The following NARS2 variants were observed in gnomAD, a reference collection of about 807,000 sequenced individuals.
NARS2 encodes the protein asparaginyl-tRNA synthetase.
NARS2 carries 60 observed loss-of-function variants against 62.9 expected under a neutral mutation model. That is an observed-to-expected ratio of 0.95 (90% CI 0.77 to 1.18). The LOEUF is 1.18. Ranked by LOEUF, NARS2 falls within the 50% of genes most tolerant of loss-of-function variation. The probability of loss-of-function intolerance (pLI) is 0.00; values close to 1 mark genes in which losing one functional copy is unlikely to be tolerated. For missense variants in NARS2, 619 were observed against 576.4 expected, an observed-to-expected ratio of 1.07 and a Z score of -0.76; for synonymous variants, 196 against 200.0, an observed-to-expected ratio of 0.98 and a Z score of 0.17.
chr11:78,541,727 A>C (rs553160634), intron 5 of NARS2, among the ~76,000 whole-genome samples: 1 of 152,102 alleles, frequency 6.6e-6, no homozygotes, highest in Non-Finnish European at 1.5e-5. Flanking sequence ...TCAACCAACC[A>C]AGCAATCAAT....
chr11:78,550,226 G>C (rs572668288), intron 5 of NARS2, among the ~76,000 whole-genome samples: 1 of 152,268 alleles, frequency 6.6e-6, no homozygotes, highest in Admixed American at 6.5e-5. Context: ...AAGTTCCCTC[G>C]ACCTTTAATC....
intron 4 of NARS2, among the ~76,000 whole-genome samples, chr11:78,562,031 TCAAAAAACAAAAAACAAAAAA>T (rs60769770): frequency 6.6e-6 from 1 of 150,974 alleles, no homozygotes. Flanking sequence ...CGAGACTCTG[TCAAAAAACAAAAAACAAAAAA>T]CAAAAAACAA....
intron 13 of NARS2, among the ~76,000 whole-genome samples, chr11:78,440,723 G>A (rs1401448780): frequency 6.6e-6 from 1 of 151,670 alleles, no homozygotes; most frequent in African/African-American, 2.4e-5. Context: ...AGTAGAGATG[G>A]GGTTTCACCA....
intron 13 of NARS2, 26 bp downstream of exon 13, chr11:78,441,062 GTAA>G: frequency 6.2e-7 from 1 of 1,606,286 alleles, no homozygotes; most frequent in Non-Finnish European, 8.5e-7. Context: ...AGCAGCTAGA[GTAA>G]GAATTATTAG....
intron 11 of NARS2, among the ~76,000 whole-genome samples, chr11:78,464,390 C>G (rs1858527483): frequency 6.6e-6 from 1 of 152,152 alleles, no homozygotes; most frequent in Non-Finnish European, 1.5e-5. Flanking sequence ...GGGCAGCCTG[C>G]TTTTATTCTC....
At position 78,444,727 on chromosome 11, in the gene NARS2, C is replaced by CAAAGAAAAAA. The variant is rs56788561; in HGVS notation, c.1165-970_1165-969insTTTTTTCTTT. On this transcript the variant is annotated intron_variant, in intron 11 of 13. Transcript: ENST00000281038. ...GAGCAAGACTCTGTCTCAAACAAAACAAAAAAAAAAAAAAGGGTGATAAGA... is the reference window on the plus strand; with the variant it reads ...GAGCAAGACTCTGTCTCAAACAAAACAAAGAAAAAAAAAAAAAAAAAAAAGGGTGATAAGA... 9.4e-4 allele frequency among the ~76,000 whole-genome samples: 87 copies of CAAAGAAAAAA among 92,404 alleles called. 4 individuals carry two copies. The East Asian group carries it at 0.011, about 11-fold the overall frequency. 60.6% of individuals were successfully genotyped at this position (92,404 alleles called of 152,430 possible).
intron 2 of NARS2, 131 bp from the exon 3 acceptor site, chr11:78,568,883 C>T: frequency 1.6e-6 from 1 of 634,134 alleles, no homozygotes; most frequent in East Asian, 2.8e-5. Flanking sequence ...AAATAATCTT[C>T]AGAATCTATG....
At chr11:78,543,922 T>C (rs1208774712) in intron 5 of NARS2, among the ~76,000 whole-genome samples, 1 of 145,216 alleles carries the variant, frequency 6.9e-6, no homozygotes, top group Admixed American at 7.2e-5. Context: ...TCCCAGCTAC[T>C]CGGGAGGCTG....
intron 12 of NARS2, among the ~76,000 whole-genome samples, chr11:78,442,143 G>A (rs1857595305): frequency 6.6e-6 from 1 of 152,214 alleles, no homozygotes; most frequent in African/African-American, 2.4e-5. Flanking sequence ...TTTCCTGGAG[G>A]AAGGAAGCAA....
chr11:78,566,357 G>A (rs1006727974), intron 3 of NARS2, 85 bp from the exon 4 acceptor site: 85 of 1,094,314 alleles, frequency 7.8e-5, no homozygotes, highest in Non-Finnish European at 9.9e-5. Flanking sequence ...CTTAAATAGC[G>A]CTTTGGAACC....
chr11:78,474,511 T>C (rs1859004419), intron 9 of NARS2, among the ~76,000 whole-genome samples: 1 of 152,238 alleles, frequency 6.6e-6, no homozygotes, highest in Non-Finnish European at 1.5e-5. Flanking sequence ...ATCCAGGTTT[T>C]CTGAATCATG....
intron 6 of NARS2, among the ~76,000 whole-genome samples, chr11:78,510,774 G>A (rs759942326): frequency 1.3e-5 from 2 of 151,962 alleles, no homozygotes; most frequent in Admixed American, 1.3e-4. Context: ...TACAACAAAT[G>A]CAAAAAAAGA....
intron 6 of NARS2, among the ~76,000 whole-genome samples, chr11:78,505,614 T>C (rs1860464529): frequency 6.6e-6 from 1 of 152,204 alleles, no homozygotes; most frequent in South Asian, 2.1e-4. Context: ...CATCATTATC[T>C]ACCTGAAGTC....
intron 5 of NARS2, among the ~76,000 whole-genome samples, chr11:78,556,386 C>T (rs1856354166): frequency 6.6e-6 from 1 of 152,142 alleles, no homozygotes; most frequent in Non-Finnish European, 1.5e-5. Context: ...TCTAGTTATA[C>T]TGAAAACCAT....
chr11:78,480,724 C>A (rs1229255253), intron 7 of NARS2, among the ~76,000 whole-genome samples: 1 of 150,394 alleles, frequency 6.6e-6, no homozygotes, highest in African/African-American at 2.5e-5. Flanking sequence ...AATCAAAAGA[C>A]TAGATAATAG....
chr11:78,443,041 G>A (rs1857622962), intron 12 of NARS2, among the ~76,000 whole-genome samples: 1 of 152,064 alleles, frequency 6.6e-6, no homozygotes, highest in African/African-American at 2.4e-5. Context: ...TGTAGGACAA[G>A]CTGGCCAGGT....
chr11:78,468,310 G>GAAAAAAAAAAAAAAAAAAAAAA (rs764254167), intron 10 of NARS2, among the ~76,000 whole-genome samples: 33 of 67,416 alleles, frequency 4.9e-4, no homozygotes, highest in African/African-American at 1.7e-3. Context: ...CACTAAATCT[G>GAAAAAAAAAAAAAAAAAAAAAA]AAAAAAAAAA....
At chr11:78,544,795 C>CAA (rs35180232) in intron 5 of NARS2, among the ~76,000 whole-genome samples, 687 of 62,818 alleles carry the variant, frequency 0.011, 4 homozygotes, top group African/African-American at 0.021. Context: ...CTCCGTCTCA[C>CAA]AAAAAAAAAA....
chr11:78,523,866 T>C (rs1861211916), intron 6 of NARS2, among the ~76,000 whole-genome samples: 1 of 151,978 alleles, frequency 6.6e-6, no homozygotes, highest in Non-Finnish European at 1.5e-5. Context: ...CTTTTGGGAG[T>C]GATAAAACCT....
Sources: allele counts gnomAD v4.1 joint callset (sites outside exome capture counted in the v4.1 genomes callset), GRCh38; gene constraint gnomAD v4.1.1; transcripts MANE v1.5; gene names NCBI Gene and HGNC (gene_info 2026-07-23, HGNC 2026-07-21).